The following CAPN6 variants were observed in gnomAD, a reference collection of about 807,000 sequenced individuals.
The protein encoded by CAPN6 is calpain 6, also known as calpain-6.
A neutral mutation model predicts 46.0 loss-of-function variants in CAPN6; 16 were observed. The observed-to-expected ratio is 0.35, with a 90% CI of 0.24 to 0.53. The LOEUF (loss-of-function observed/expected upper bound fraction) is 0.53. CAPN6 is among the 20% of genes least tolerant of loss of function. The pLI is 0.94. For missense variants in CAPN6, 461 were observed against 498.0 expected, an observed-to-expected ratio of 0.93 and a Z score of 0.71; for synonymous variants, 206 against 172.8, an observed-to-expected ratio of 1.19 and a Z score of -1.51.
In CAPN6 at chrX:111,251,061, A is replaced by G. The variant is rs1052723661; in HGVS notation, c.1014T>C (p.Asn338=). The G allele has an allele frequency of 8.3e-7, 1 of 1,211,560 alleles. No homozygotes were observed. The highest frequency in any genetic ancestry group is 1.1e-6 in the Non-Finnish European group (1 of 895,494). The change falls in exon 8 of 13, where the codon AAT becomes AAC. Residue 338 remains asparagine (N), a synonymous_variant. Transcript: ENST00000324068. ...TAGGGTTGTTCACATTGCGGCAGAC[A>G]TTCAGTTTGTGAAAGTTGCGGCAAA... ...EDFCRNFHKL[N]VCRNVNNPIF...
At chrX:111,249,532 A>G (rs781324614) in intron 8 of CAPN6, among the ~76,000 whole-genome samples, 2 of 111,039 alleles carry the variant, frequency 1.8e-5, no homozygotes, top group South Asian at 7.7e-4. Context: ...TCCTTGGAGA[A>G]TTGATGTTTT....
Position 111,256,226 on chromosome X carries a change from C to T in CAPN6, c.166-1823G>A, listed in dbSNP as rs11798191. On this transcript the variant is annotated intron_variant, in intron 2 of 12. Transcript: ENST00000324068. Reference sequence around the variant, plus strand: ...CCAGCCTGGTCAACATGGTGAAACCCCATCTCTTCTAAATATACAAAAATT... The same window carrying T: ...CCAGCCTGGTCAACATGGTGAAACCTCATCTCTTCTAAATATACAAAAATT... 9.1e-3 allele frequency among the ~76,000 whole-genome samples: 1,011 copies of T among 110,602 alleles called. 4 individuals carry two copies. Among genetic ancestry groups the T allele is most frequent in the Non-Finnish European group, 0.015 (816 of 52,880 alleles).
chrX:111,248,516 A>G, intron 10 of CAPN6, 53 bp downstream of exon 10: 14 of 953,294 alleles, frequency 1.5e-5, no homozygotes, highest in African/African-American at 3.8e-5. Context: ...GGGGTTTAGG[A>G]TTGGAAGTAA....
chrX:111,265,320 T>G (rs746507857), intron 1 of CAPN6, among the ~76,000 whole-genome samples: 153 of 112,612 alleles, frequency 1.4e-3, no homozygotes, highest in Admixed American at 3.8e-3. Flanking sequence ...CAATGTTATT[T>G]GCAATGTATG....
chrX:111,265,196 C>G (rs1445985721), intron 1 of CAPN6, among the ~76,000 whole-genome samples: 1 of 112,321 alleles, frequency 8.9e-6, no homozygotes, highest in Non-Finnish European at 1.9e-5. Context: ...TCAGACCTCT[C>G]TACTAGTTCA....
At chrX:111,251,393 G>C in intron 6 of CAPN6, 107 bp from the exon 7 acceptor site, 1 of 950,348 alleles carries the variant, frequency 1.1e-6, no homozygotes, top group South Asian at 2.2e-5. Context: ...GATCAGTCCT[G>C]CTTTATTTCA....
At position 111,270,456 on chromosome X, in the gene CAPN6, C is replaced by T. The variant is rs1474074135; in HGVS notation, c.-101G>A. 5 of 336,477 alleles carry T rather than the reference C, an allele frequency of 1.5e-5. No individual in the cohort carries two copies. Among genetic ancestry groups the T allele is most frequent in the African/African-American group, 9.8e-5 (4 of 40,968 alleles). The allele number at this position is 336,477 out of a possible 1,213,427, so 27.7% of individuals were successfully genotyped here. On this transcript the variant is annotated 5_prime_UTR_variant, in exon 1 of 13. Coordinates refer to ENST00000324068, the MANE Select transcript of CAPN6 (RefSeq NM_014289.4). ...GCCGCTGCTGCTGTTAGCCAGGTAA[C>T]CCCACTAAAAGTCTGTTCAGTCAGT... is the stretch of plus-strand genomic sequence containing the variant.
At chrX:111,247,220 C>A in intron 12 of CAPN6, 148 bp downstream of exon 12, 1 of 471,341 alleles carries the variant, frequency 2.1e-6, no homozygotes. Context: ...AGTGTCCATG[C>A]TTGATGAGAA....
chrX:111,261,455 A>G, intron 2 of CAPN6, among the ~76,000 whole-genome samples: 1 of 112,636 alleles, frequency 8.9e-6, no homozygotes, highest in East Asian at 2.8e-4. Flanking sequence ...CTTCAAACAC[A>G]GTATCTGGCC....
At position 111,246,372 on chromosome X, in the gene CAPN6, C is replaced by T; in HGVS notation, c.*205G>A. 1 of 421,339 alleles carries T rather than the reference C, an allele frequency of 2.4e-6. No homozygotes were observed. Among genetic ancestry groups the T allele is most frequent in the Non-Finnish European group, 4.1e-6 (1 of 243,624 alleles). 34.7% of individuals were successfully genotyped at this position (421,339 alleles called of 1,213,427 possible). ...TGTCTAGATAGGACTGTCGCCTCCCCATGTCCAGCTGCTGGAGGTATATAG... is the reference window on the plus strand; with the variant it reads ...TGTCTAGATAGGACTGTCGCCTCCCTATGTCCAGCTGCTGGAGGTATATAG... On this transcript the variant is annotated 3_prime_UTR_variant, in exon 13 of 13. Transcript: ENST00000324068.
At chrX:111,266,959 C>T (rs752432431) in intron 1 of CAPN6, among the ~76,000 whole-genome samples, 92 of 112,263 alleles carry the variant, frequency 8.2e-4, no homozygotes, top group Non-Finnish European at 1.7e-3. Flanking sequence ...TTTACATCGG[C>T]GGGTTCATCA....
At chrX:111,256,789 CATATA>C (rs959344416) in intron 2 of CAPN6, among the ~76,000 whole-genome samples, 8 of 108,703 alleles carry the variant, frequency 7.4e-5, no homozygotes, top group African/African-American at 1.7e-4. Context: ...CATGTATGTA[CATATA>C]ATATATATAT....
rs754823980 is a variant in CAPN6, at chrX:111,252,316, A to G, written c.690T>C (p.Cys230=). The part of the protein sequence containing the change: ...KTFTKGGLIC[C]SIESPNQEEQ... ...TTTCATGAGTACAAACCTCAATGGA[A>G]CAGCAGATCAGACCACCTTTGGTAA... is the stretch of plus-strand genomic sequence containing the variant. The change falls in exon 5 of 13, where the codon TGT becomes TGC. Residue 230 remains cysteine, a synonymous_variant. Transcript: ENST00000324068. The G allele has an allele frequency of 2.5e-6, 3 of 1,201,519 alleles. No individual in the cohort carries two copies. The Admixed American group carries it at 6.6e-5, about 26-fold the overall frequency.
chrX:111,247,612 G>A lies in CAPN6; in HGVS notation c.1607-108C>T. On this transcript the variant is annotated intron_variant, in intron 11 of 12. Coordinates refer to ENST00000324068, the MANE Select transcript of CAPN6 (RefSeq NM_014289.4). ...TTCTGGGACTTTCAGCATAGCACTC[G>A]AGCACCAGAATGACTGAGATTCAAC... 5 of 817,555 alleles carry A rather than the reference G, an allele frequency of 6.1e-6. No individual in the cohort carries two copies. In the Admixed American group the frequency reaches 9.0e-5, roughly 15 times the overall value. 67.4% of individuals were successfully genotyped at this position (817,555 alleles called of 1,213,427 possible). A position where few individuals can be genotyped will look rare whatever the true frequency, so the allele number is the denominator to read the frequency against.
intron 6 of CAPN6, 28 bp from the exon 7 acceptor site, chrX:111,251,314 AG>A: frequency 8.8e-7 from 1 of 1,141,006 alleles, no homozygotes; most frequent in South Asian, 1.9e-5. Flanking sequence ...AAAAAAAAAA[AG>A]ATAAATCATT....
intron 1 of CAPN6, among the ~76,000 whole-genome samples, chrX:111,265,301 A>G (rs1308140450): frequency 8.9e-6 from 1 of 112,637 alleles, no homozygotes; most frequent in Non-Finnish European, 1.9e-5. Flanking sequence ...AATGTTTGCA[A>G]TGTTATTACA....
intron 2 of CAPN6, among the ~76,000 whole-genome samples, chrX:111,257,218 C>A (rs1445782522): frequency 9.0e-6 from 1 of 111,604 alleles, no homozygotes; most frequent in Non-Finnish European, 1.9e-5. Flanking sequence ...TGATATTGTG[C>A]AACTCCTCAG....
At chrX:111,259,116 G>C (rs2094985976) in intron 2 of CAPN6, among the ~76,000 whole-genome samples, 1 of 112,192 alleles carries the variant, frequency 8.9e-6, no homozygotes, top group South Asian at 3.7e-4. Context: ...ACTGGGTTGT[G>C]GTAATGTTTG....
At chrX:111,248,036 C>T in intron 10 of CAPN6, 44 bp from the exon 11 acceptor site, 1 of 1,169,091 alleles carries the variant, frequency 8.6e-7, no homozygotes. Flanking sequence ...TGATAAATAT[C>T]CTTTGATGAA....
Sources: gnomAD v4.1 joint callset for allele counts (sites outside exome capture counted in the v4.1 genomes callset) on GRCh38, gnomAD v4.1.1 for gene constraint, MANE v1.5 for transcripts, NCBI Gene and HGNC (gene_info 2026-07-23, HGNC 2026-07-21) for gene names.